The following CMIP variants were observed in gnomAD, a reference collection of about 807,000 sequenced individuals.
CMIP encodes the protein C-Maf-inducing protein.
CMIP carries 13 observed loss-of-function variants against 97.3 expected under a neutral mutation model. The ratio of observed to expected loss-of-function variants is 0.13; its 90% CI spans 0.09 to 0.21. The LOEUF is 0.21. Among genes scored for constraint, CMIP ranks in the 10% least tolerant of loss-of-function variants. The probability of loss-of-function intolerance (pLI) is 1.00; values close to 1 mark genes in which losing one functional copy is unlikely to be tolerated. For missense variants in CMIP, 847 were observed against 1,024.9 expected, an observed-to-expected ratio of 0.83 and a Z score of 2.37; for synonymous variants, 538 against 436.3, an observed-to-expected ratio of 1.23 and a Z score of -2.91.
intron 2 of CMIP, among the ~76,000 whole-genome samples, chr16:81,608,822 G>C (rs1009073984): frequency 6.6e-6 from 1 of 152,230 alleles, no homozygotes; most frequent in East Asian, 1.9e-4. Flanking sequence ...TTATCAGTGG[G>C]AAGAAGACCT....
intron 1 of CMIP, among the ~76,000 whole-genome samples, chr16:81,467,848 T>TG (rs1265153445): frequency 6.6e-6 from 1 of 151,212 alleles, no homozygotes; most frequent in Non-Finnish European, 1.5e-5. Flanking sequence ...CCCAAAGTCC[T>TG]GGGATTATAG....
chr16:81,643,382 C>T (rs186299324), intron 3 of CMIP, among the ~76,000 whole-genome samples: 2 of 152,208 alleles, frequency 1.3e-5, no homozygotes, highest in African/African-American at 4.8e-5. Context: ...GGGGAGAGTA[C>T]AATAGGAAGT....
chr16:81,550,861 C>G (rs968053281), intron 1 of CMIP, among the ~76,000 whole-genome samples: 1 of 151,394 alleles, frequency 6.6e-6, no homozygotes, highest in African/African-American at 2.4e-5. Context: ...CACCCCAGTT[C>G]CATCACACAC....
rs2092093560 is a variant in CMIP at position 81,627,723 on chromosome 16, A to G, written c.477+6797A>G. On this transcript the variant is annotated intron_variant, in intron 3 of 20. Transcript: ENST00000537098. The surrounding 1 kb of genome is among the most constrained non-coding windows in gnomAD (Gnocchi z 4.6). ...CAGAGGGGACTGAGCGTCCAAGTGG[A>G]TAAAGGATGAGGATAAAGGACCGTG... Among the ~76,000 whole-genome samples the G allele has an allele frequency of 6.6e-6, 1 of 152,142 alleles. No individual in the cohort carries two copies. Among genetic ancestry groups the G allele is most frequent in the African/African-American group, 2.4e-5 (1 of 41,416 alleles).
intron 15 of CMIP, among the ~76,000 whole-genome samples, chr16:81,701,270 G>A (rs1224286665): frequency 6.6e-6 from 1 of 152,204 alleles, no homozygotes; most frequent in African/African-American, 2.4e-5. Flanking sequence ...CATTCCGTGA[G>A]TTTGAGCACC....
At chr16:81,448,353 T>C (rs1905993888) in intron 1 of CMIP, among the ~76,000 whole-genome samples, 1 of 152,264 alleles carries the variant, frequency 6.6e-6, no homozygotes, top group African/African-American at 2.4e-5. Flanking sequence ...CTGTTTCCAT[T>C]GATCCAATTA....
At chr16:81,577,957 A>G (rs2091227451) in intron 1 of CMIP, among the ~76,000 whole-genome samples, 1 of 151,040 alleles carries the variant, frequency 6.6e-6, no homozygotes, top group Non-Finnish European at 1.5e-5. Flanking sequence ...CATCATCCCC[A>G]TTACCACTAC....
chr16:81,603,377 C>T (rs775554904), intron 1 of CMIP: 24 of 454,298 alleles, frequency 5.3e-5, no homozygotes, highest in East Asian at 1.4e-4. Flanking sequence ...CCACCGCGCC[C>T]GGCCTTGTTT....
chr16:81,498,386 C>A (rs144316919), intron 1 of CMIP, among the ~76,000 whole-genome samples: 1,632 of 152,330 alleles, frequency 0.011, 19 homozygotes, highest in Middle Eastern at 0.037. Flanking sequence ...GAGTGAGATG[C>A]GGCCCTTGTC....
intron 10 of CMIP, among the ~76,000 whole-genome samples, chr16:81,688,520 C>T (rs904600330): frequency 6.6e-6 from 1 of 152,224 alleles, no homozygotes; most frequent in African/African-American, 2.4e-5. Context: ...GGGTTAGTCA[C>T]ACTGACTTTA....
In CMIP at chr16:81,614,491, A is replaced by C. The variant is rs962376217; in HGVS notation, c.427-6385A>C. On this transcript the variant is annotated intron_variant, in intron 2 of 20. Transcript: ENST00000537098. This position sits in a 1 kb window ranked among gnomAD's most constrained non-coding sequence, Gnocchi z 5.3. ...GGGAAGAGACCTGGAAATGACACAA[A>C]TGATGACCCCAGCAAGTCTGGGTGT... is the stretch of plus-strand genomic sequence containing the variant. Among the ~76,000 whole-genome samples, 4 of 152,170 alleles carry C rather than the reference A, an allele frequency of 2.6e-5. No individual in the cohort carries two copies. The highest frequency in any genetic ancestry group is 9.7e-5 in the African/African-American group (4 of 41,432).
At chr16:81,615,685 G>A (rs2091907878) in intron 2 of CMIP, among the ~76,000 whole-genome samples, 1 of 149,988 alleles carries the variant, frequency 6.7e-6, no homozygotes, top group Admixed American at 6.6e-5. Flanking sequence ...TGTGTGTGGT[G>A]TATGTGTCCT....
chr16:81,478,926 T>C (rs1454765109), intron 1 of CMIP, among the ~76,000 whole-genome samples: 1 of 152,282 alleles, frequency 6.6e-6, no homozygotes, highest in Non-Finnish European at 1.5e-5. Context: ...GTCTTGTTCA[T>C]TGGAGCTCAG....
intron 1 of CMIP, among the ~76,000 whole-genome samples, chr16:81,499,713 G>C (rs2089560220): frequency 6.6e-6 from 1 of 152,232 alleles, no homozygotes; most frequent in Admixed American, 6.5e-5. Flanking sequence ...AGAAGTGGTG[G>C]AGGAGACTCA....
intron 1 of CMIP, among the ~76,000 whole-genome samples, chr16:81,468,085 G>T (rs1907315021): frequency 6.6e-6 from 1 of 152,026 alleles, no homozygotes; most frequent in African/African-American, 2.4e-5. Context: ...GGGCTCCTGT[G>T]GTCCTCTAGT....
chr16:81,623,614 TG>T (rs955285963), intron 3 of CMIP, among the ~76,000 whole-genome samples: 1 of 152,234 alleles, frequency 6.6e-6, no homozygotes, highest in Admixed American at 6.5e-5. Context: ...TCAATTCCTG[TG>T]GCTCTTTGTA....
intron 1 of CMIP, among the ~76,000 whole-genome samples, chr16:81,496,406 C>T (rs917323195): frequency 1.3e-5 from 2 of 152,028 alleles, no homozygotes; most frequent in South Asian, 2.1e-4. Context: ...AGAATTTGTA[C>T]GATGGAGGGG....
intron 1 of CMIP, among the ~76,000 whole-genome samples, chr16:81,548,166 C>A (rs968873192): frequency 2.1e-5 from 3 of 145,870 alleles, no homozygotes; most frequent in African/African-American, 7.7e-5. Context: ...CAGGGTCTCC[C>A]TCTGTCCCTC....
chr16:81,535,364 G>A (rs2090321653), intron 1 of CMIP, among the ~76,000 whole-genome samples: 1 of 151,786 alleles, frequency 6.6e-6, no homozygotes, highest in African/African-American at 2.4e-5. Context: ...AATCTCACAT[G>A]CATAAAATTC....
Sources: allele counts gnomAD v4.1 joint callset (sites outside exome capture counted in the v4.1 genomes callset), GRCh38; gene constraint gnomAD v4.1.1; non-coding constraint Gnocchi (gnomAD v3.1); transcripts MANE v1.5; gene names NCBI Gene and HGNC (gene_info 2026-07-23, HGNC 2026-07-21).